Variants in EPB41L2 observed in about 807,000 individuals in gnomAD.
EPB41L2 encodes the protein band 4.1-like protein 2.
Under a neutral mutation model 113.0 loss-of-function variants are expected in EPB41L2, and 43 were observed. The observed-to-expected ratio is 0.38, with a 90% CI of 0.30 to 0.49. The LOEUF (loss-of-function observed/expected upper bound fraction) is 0.49, where lower values mean the gene tolerates loss of function less well. Ranked by LOEUF, EPB41L2 falls within the 20% of genes least tolerant of loss-of-function variation. EPB41L2 has a pLI of 0.95. For synonymous variants in EPB41L2, 442 were observed against 436.7 expected, an observed-to-expected ratio of 1.01 and a Z score of -0.15; for missense variants, 1,147 against 1,223.4, an observed-to-expected ratio of 0.94 and a Z score of 0.93.
At chr6:131,054,714 C>T (rs1441047410) in intron 1 of EPB41L2, among the ~76,000 whole-genome samples, 1 of 152,142 alleles carries the variant, frequency 6.6e-6, no homozygotes, top group African/African-American at 2.4e-5. Flanking sequence ...AAGGAAGGGA[C>T]AAACATGGAA....
intron 5 of EPB41L2, among the ~76,000 whole-genome samples, chr6:130,907,113 C>G (rs1471337426): frequency 6.6e-6 from 1 of 152,034 alleles, no homozygotes; most frequent in Admixed American, 6.6e-5. Context: ...AAACAAGAAC[C>G]CAAACAAAAC....
At chr6:130,877,956 T>G (rs941368956) in intron 14 of EPB41L2, 148 bp downstream of exon 14, 11 of 720,958 alleles carry the variant, frequency 1.5e-5, no homozygotes, top group Non-Finnish European at 2.0e-5. Flanking sequence ...TTGTTAATAT[T>G]TAGTATTTAC....
chr6:131,059,305 G>A (rs1047608039), intron 1 of EPB41L2, among the ~76,000 whole-genome samples: 3 of 151,952 alleles, frequency 2.0e-5, no homozygotes, highest in South Asian at 2.1e-4. Context: ...TAGTAGAGAC[G>A]GGGTTTCACC....
chr6:130,963,963 T>A (rs951713676), intron 1 of EPB41L2, among the ~76,000 whole-genome samples: 2 of 152,068 alleles, frequency 1.3e-5, no homozygotes, highest in Non-Finnish European at 2.9e-5. Context: ...ATTCCTTCTC[T>A]CAGGTAGAGG....
rs1796065494 is a variant in EPB41L2, at chr6:130,900,783, T to C, written c.1148+179A>G. ...CAAGTATAGTTTCTCAGACGGTAGT[T>C]ATAAAAATAATGAAAGGATACCTCA... On this transcript the variant is annotated intron_variant, in intron 7 of 19. Coordinates refer to ENST00000337057, the MANE Select transcript of EPB41L2 (RefSeq NM_001431.4). Among the ~76,000 whole-genome samples, 7 of 152,308 alleles carry C rather than the reference T, an allele frequency of 4.6e-5. No individual in the cohort carries two copies. The South Asian group carries it at 1.2e-3, about 27-fold the overall frequency.
At chr6:131,034,479 C>T (rs60494097) in intron 1 of EPB41L2, among the ~76,000 whole-genome samples, 3,701 of 152,194 alleles carry the variant, frequency 0.024, 164 homozygotes, top group African/African-American at 0.085. Context: ...CTACAGTGAG[C>T]CAAGATGGCG....
At chr6:130,904,330 T>C in intron 6 of EPB41L2, 135 bp downstream of exon 6, 1 of 500,340 alleles carries the variant, frequency 2.0e-6, no homozygotes, top group Middle Eastern at 4.6e-4. Context: ...GATGTACCCA[T>C]TTTCAAGGAA....
intron 1 of EPB41L2, 126 bp downstream of exon 1, chr6:131,063,029 G>A (rs1247669336): frequency 2.0e-5 from 3 of 151,688 alleles, no homozygotes; most frequent in Non-Finnish European, 2.9e-5. Context: ...TCCCGCCACC[G>A]CTTCCTGCCC....
intron 14 of EPB41L2, 52 bp from the exon 15 acceptor site, chr6:130,870,178 A>G: frequency 6.4e-7 from 1 of 1,559,502 alleles, no homozygotes; most frequent in Non-Finnish European, 8.7e-7. Context: ...AATAAATAAA[A>G]ACAACGGAAA....
At chr6:130,982,361 T>G (rs55772976) in intron 1 of EPB41L2, among the ~76,000 whole-genome samples, 9,032 of 152,212 alleles carry the variant, frequency 0.059, 844 homozygotes, top group African/African-American at 0.19. Flanking sequence ...TTCTATAAAC[T>G]TCAAAACCTA....
At chr6:130,933,853 C>T (rs1807806827) in intron 3 of EPB41L2, among the ~76,000 whole-genome samples, 1 of 152,152 alleles carries the variant, frequency 6.6e-6, no homozygotes, top group Admixed American at 6.5e-5. Flanking sequence ...GCTTACCCGG[C>T]AGATTGTAGT....
chr6:130,979,609 G>A (rs921921175), intron 1 of EPB41L2, among the ~76,000 whole-genome samples: 9 of 151,956 alleles, frequency 5.9e-5, no homozygotes, highest in African/African-American at 2.2e-4. Context: ...ATATTTAATG[G>A]ATAAAATGAA....
intron 1 of EPB41L2, among the ~76,000 whole-genome samples, chr6:131,029,392 A>T (rs9375798): frequency 0.42 from 43,812 of 103,484 alleles, 7,118 homozygotes; most frequent in East Asian, 0.63. Flanking sequence ...GCATTTGTTT[A>T]AAAAAAAAAA....
chr6:130,958,468 C>CAAAAAAAAAAAAAAAAAAAAAAAAAA (rs200548809), intron 1 of EPB41L2, among the ~76,000 whole-genome samples: 4 of 113,876 alleles, frequency 3.5e-5, no homozygotes, highest in African/African-American at 3.1e-5. Flanking sequence ...ACAACAACAA[C>CAAAAAAAAAAAAAAAAAAAAAAAAAA]AAAAAAAAAA....
intron 3 of EPB41L2, among the ~76,000 whole-genome samples, chr6:130,946,339 T>C (rs953050888): frequency 1.1e-4 from 16 of 152,318 alleles, no homozygotes; most frequent in African/African-American, 3.8e-4. Flanking sequence ...ATAATCATCA[T>C]TTAAAAATGC....
At chr6:130,924,300 T>C (rs1803879132) in intron 4 of EPB41L2, among the ~76,000 whole-genome samples, 1 of 152,188 alleles carries the variant, frequency 6.6e-6, no homozygotes, top group East Asian at 1.9e-4. Flanking sequence ...GCAATAAACA[T>C]GGGTAAACAA....
chr6:130,967,133 C>A (rs1019552130), intron 1 of EPB41L2, among the ~76,000 whole-genome samples: 2 of 151,902 alleles, frequency 1.3e-5, no homozygotes, highest in East Asian at 3.9e-4. Context: ...CCACAGATAC[C>A]CAAATCCACA....
At chr6:130,969,490 T>C (rs1192433853) in intron 1 of EPB41L2, among the ~76,000 whole-genome samples, 1 of 152,156 alleles carries the variant, frequency 6.6e-6, no homozygotes, top group African/African-American at 2.4e-5. Flanking sequence ...ATCTGGGCAA[T>C]ATGCATTTTC....
chr6:130,892,955 G>A (rs904777878), intron 10 of EPB41L2, among the ~76,000 whole-genome samples: 1 of 152,094 alleles, frequency 6.6e-6, no homozygotes. Flanking sequence ...CATAAGTCCA[G>A]AGCAAAAACC....
Sources: allele counts gnomAD v4.1 joint callset (sites outside exome capture counted in the v4.1 genomes callset), GRCh38; gene constraint gnomAD v4.1.1; transcripts MANE v1.5; gene names NCBI Gene and HGNC (gene_info 2026-07-23, HGNC 2026-07-21).